The following PCDH15 variants were observed in gnomAD, a reference collection of about 807,000 sequenced individuals.
The protein encoded by PCDH15 is protocadherin related 15.
A neutral mutation model predicts 178.5 loss-of-function variants in PCDH15; 129 were observed. The observed-to-expected ratio is 0.72, with a 90% CI of 0.63 to 0.84. The LOEUF (loss-of-function observed/expected upper bound fraction) is 0.84, where lower values mean the gene tolerates loss of function less well. PCDH15 is among the 40% of genes least tolerant of loss of function. The pLI is 0.00. For missense variants in PCDH15, 2,230 were observed against 2,099.9 expected, an observed-to-expected ratio of 1.06 and a Z score of -1.21; for synonymous variants, 800 against 732.0, an observed-to-expected ratio of 1.09 and a Z score of -1.50.
chr10:53,972,830 T>C (rs543313071), intron 21 of PCDH15, among the ~76,000 whole-genome samples: 1 of 152,284 alleles, frequency 6.6e-6, no homozygotes, highest in African/African-American at 2.4e-5. Context: ...GGAACACTTT[T>C]ACACTGTTGG....
chr10:55,450,955 CTATATATATATA>C (rs56986885), intron 2 of PCDH15, among the ~76,000 whole-genome samples: 10 of 122,318 alleles, frequency 8.2e-5, no homozygotes, highest in Middle Eastern at 4.9e-3. Flanking sequence ...GGGGTAAGAA[CTATATATATATA>C]TATATATATA....
In PCDH15 at chr10:54,678,540, C is replaced by A. The variant is rs143750931; in HGVS notation, c.-28-14250G>T. Among the ~76,000 whole-genome samples, 1,292 of 152,090 alleles carry A rather than the reference C, an allele frequency of 8.5e-3. 10 individuals are homozygous for A. Among genetic ancestry groups the A allele is most frequent in the African/African-American group, 0.029 (1,192 of 41,476 alleles). Reference sequence around the variant, plus strand: ...ATATAATACTCAGTTAAGCATATTACTGCTAAATTCAAACAAATTTTAAAA... The same window carrying A: ...ATATAATACTCAGTTAAGCATATTAATGCTAAATTCAAACAAATTTTAAAA... On this transcript the variant is annotated intron_variant, in intron 1 of 37. Transcript: ENST00000644397.
chr10:55,268,670 A>T (rs2132244101), intron 1 of PCDH15, among the ~76,000 whole-genome samples: 1 of 152,284 alleles, frequency 6.6e-6, no homozygotes, highest in Admixed American at 6.5e-5. Flanking sequence ...AAAAACTATA[A>T]GAAGTTTTGA....
intron 18 of PCDH15, among the ~76,000 whole-genome samples, chr10:54,045,587 C>T (rs796150465): frequency 1.2e-4 from 18 of 152,132 alleles, no homozygotes; most frequent in African/African-American, 4.1e-4. Context: ...GAAACAAACC[C>T]TCATACACAT....
At chr10:55,294,871 G>A (rs185271108) in intron 1 of PCDH15, among the ~76,000 whole-genome samples, 1 of 152,292 alleles carries the variant, frequency 6.6e-6, no homozygotes, top group Admixed American at 6.5e-5. Flanking sequence ...TAAGTGGCAA[G>A]CAGAACACAT....
chr10:55,261,746 T>G (rs1842149346), intron 1 of PCDH15, among the ~76,000 whole-genome samples: 1 of 152,158 alleles, frequency 6.6e-6, no homozygotes, highest in Non-Finnish European at 1.5e-5. Flanking sequence ...AAATCTGAGA[T>G]GGGTAATAAG....
intron 2 of PCDH15, among the ~76,000 whole-genome samples, chr10:54,924,702 T>A (rs1837574528): frequency 6.6e-6 from 1 of 152,194 alleles, no homozygotes; most frequent in South Asian, 2.1e-4. Flanking sequence ...ATCAGTGATG[T>A]TGAGCTTTTT....
At chr10:54,653,518 G>C (rs2094309143) in intron 2 of PCDH15, among the ~76,000 whole-genome samples, 1 of 152,080 alleles carries the variant, frequency 6.6e-6, no homozygotes, top group South Asian at 2.1e-4. Context: ...TGGCTGTTGA[G>C]GATATTTTAA....
intron 2 of PCDH15, among the ~76,000 whole-genome samples, chr10:55,459,821 A>T (rs1016396497): frequency 2.6e-5 from 4 of 152,100 alleles, no homozygotes; most frequent in African/African-American, 9.7e-5. Context: ...CATGAGACAT[A>T]TTTATTTTGG....
chr10:54,274,772 C>A (rs1183642197), intron 8 of PCDH15, among the ~76,000 whole-genome samples: 1 of 151,486 alleles, frequency 6.6e-6, no homozygotes, highest in Non-Finnish European at 1.5e-5. Flanking sequence ...ATTCCTATAC[C>A]TTTTCAATAA....
At position 55,139,506 on chromosome 10, in the gene PCDH15, T is replaced by C. The variant is rs1342165386; in HGVS notation, c.-80+27070A>G. The stretch of plus-strand genomic sequence containing the variant: ...GAGGTTCATTATTTGCCTTTAGATG[T>C]TCAGATGTTCCAAATGTTTCCACAC... On this transcript the variant is annotated intron_variant, in intron 2 of 5. Transcript: ENST00000458638. 5.9e-5 allele frequency among the ~76,000 whole-genome samples: 9 copies of C among 152,214 alleles called. No homozygotes were observed. The South Asian group carries it at 1.9e-3, about 32-fold the overall frequency.
intron 37 of PCDH15, chr10:53,808,326 G>GTATATATATATATATATA (rs1263811377): frequency 2.2e-6 from 1 of 447,648 alleles, no homozygotes; most frequent in African/African-American, 2.4e-5. Flanking sequence ...TATAGTGTGT[G>GTATATATATATATATATA]TGTGTATATA....
intron 2 of PCDH15, among the ~76,000 whole-genome samples, chr10:55,348,880 G>A (rs1053757080): frequency 6.6e-6 from 1 of 152,076 alleles, no homozygotes; most frequent in Non-Finnish European, 1.5e-5. Flanking sequence ...AATGAAATAA[G>A]AGAGAAAGCC....
At chr10:54,473,162 A>G (rs1260525181) in intron 3 of PCDH15, among the ~76,000 whole-genome samples, 1 of 152,168 alleles carries the variant, frequency 6.6e-6, no homozygotes, top group Non-Finnish European at 1.5e-5. Flanking sequence ...AGACAACACT[A>G]GCTTAAAGTG....
chr10:53,873,198 A>G (rs1262811263), intron 26 of PCDH15, among the ~76,000 whole-genome samples: 1 of 152,190 alleles, frequency 6.6e-6, no homozygotes, highest in Non-Finnish European at 1.5e-5. Context: ...TCCTTACTTT[A>G]CAATCATGCC....
intron 29 of PCDH15, among the ~76,000 whole-genome samples, chr10:53,833,777 G>C (rs147115166): frequency 6.6e-6 from 1 of 151,502 alleles, no homozygotes; most frequent in Admixed American, 6.6e-5. Context: ...TATTTTAATC[G>C]TCCTATAAAT....
intron 1 of PCDH15, among the ~76,000 whole-genome samples, chr10:54,763,288 G>A (rs1014958369): frequency 6.6e-6 from 1 of 152,102 alleles, no homozygotes; most frequent in Non-Finnish European, 1.5e-5. Flanking sequence ...TCATATATGT[G>A]TGCAAAGCCA....
chr10:54,907,800 A>C (rs1247614998), intron 2 of PCDH15, among the ~76,000 whole-genome samples: 2 of 152,170 alleles, frequency 1.3e-5, no homozygotes, highest in Non-Finnish European at 1.5e-5. Flanking sequence ...TAAATTCCTA[A>C]TGATATAATT....
intron 3 of PCDH15, among the ~76,000 whole-genome samples, chr10:54,512,736 A>T (rs2081831094): frequency 6.6e-6 from 1 of 152,120 alleles, no homozygotes; most frequent in Non-Finnish European, 1.5e-5. Flanking sequence ...ATAGACAGCA[A>T]ATTATTAATG....
Sources: gnomAD v4.1 joint callset for allele counts (sites outside exome capture counted in the v4.1 genomes callset) on GRCh38, gnomAD v4.1.1 for gene constraint, MANE v1.5 for transcripts, NCBI Gene and HGNC (gene_info 2026-07-23, HGNC 2026-07-21) for gene names.